DMXL2: variants seen among roughly 807,000 people sequenced by gnomAD.
DMXL2 encodes the protein dmX-like protein 2.
In DMXL2, 103 loss-of-function variants were observed where a neutral mutation model predicts 331.1. The ratio of observed to expected loss-of-function variants is 0.31; its 90% CI spans 0.27 to 0.37. The LOEUF (loss-of-function observed/expected upper bound fraction) is 0.37. DMXL2 is among the 10% of genes least tolerant of loss of function. The pLI is 1.00. For missense variants in DMXL2, 3,171 were observed against 3,642.9 expected (o/e 0.87, Z 3.33); for synonymous variants, 1,281 against 1,252.1 (o/e 1.02, Z -0.49).
rs17648339 is a variant in DMXL2 at position 51,551,072 on chromosome 15, C to T, written c.568-3664G>A. Among the ~76,000 whole-genome samples, 208 of 150,038 alleles carry T rather than the reference C, an allele frequency of 1.4e-3. 6 individuals carry two copies. In the East Asian group the frequency reaches 0.031, roughly 22 times the overall value. ...ACAGTGACCATCTGTTTTATCAATT[C>T]AAATTTGGCTTTATTAACAGAAGCA... On this transcript the variant is annotated intron_variant, in intron 6 of 43. Coordinates refer to ENST00000560891, the MANE Select transcript of DMXL2 (RefSeq NM_001378457.1).
chr15:51,589,693 CT>C (rs1030818812), intron 1 of DMXL2, among the ~76,000 whole-genome samples: 2 of 152,136 alleles, frequency 1.3e-5, no homozygotes, highest in Non-Finnish European at 1.5e-5. Context: ...GCTAAATGTA[CT>C]TTTTTTCAGC....
chr15:51,538,271 T>C lies in DMXL2; in HGVS notation c.1287A>G (p.Glu429=). ...TATCCTCCTGTGAATGTTCCTCATC[T>C]TCTCTATCTGCATCATCATTTTCAT... ...VDHENDDADR[E]DEEHSQEDRE... is the part of the protein sequence containing the mutation. Residue 429 remains glutamate, a synonymous_variant, in exon 10 of 44, where the codon GAA becomes GAG. Transcript: ENST00000560891. 6.2e-7 allele frequency: 1 copy of C among 1,613,860 alleles called. No individual in the cohort carries two copies. Among genetic ancestry groups the C allele is most frequent in the Non-Finnish European group, 8.5e-7 (1 of 1,179,830 alleles).
chr15:51,615,855 C>T (rs11633713), intron 1 of DMXL2, among the ~76,000 whole-genome samples: 72,349 of 151,994 alleles, frequency 0.48, 17,624 homozygotes, highest in Non-Finnish European at 0.52. Context: ...CTACAGCTAA[C>T]GGATGAGCTA....
At chr15:51,496,140 C>T (rs2043160884) in intron 18 of DMXL2, among the ~76,000 whole-genome samples, 1 of 152,102 alleles carries the variant, frequency 6.6e-6, no homozygotes, top group East Asian at 1.9e-4. Context: ...CCACCATGCT[C>T]ATTCGTCCGT....
chr15:51,484,137 GA>G (rs1250089165), intron 23 of DMXL2, among the ~76,000 whole-genome samples: 1 of 152,178 alleles, frequency 6.6e-6, no homozygotes, highest in Non-Finnish European at 1.5e-5. Context: ...ATGGGCCTGA[GA>G]AATAGCCTTA....
chr15:51,514,491 C>T lies in DMXL2; in HGVS notation c.2595G>A (p.Lys865=). ...CTGTTTCCTTTTTCTCCATATCTTC[C>T]TTATGTGGTTTATATCCTATAATGA... ...EDFIIGYKPH[K]EDMEKKETEI... is the part of the protein sequence containing the mutation. Residue 865 remains lysine (K), a synonymous_variant, in exon 15 of 44, where the codon AAG becomes AAA. Coordinates refer to ENST00000560891, the MANE Select transcript of DMXL2 (RefSeq NM_001378457.1). 6.3e-7 allele frequency: 1 copy of T among 1,596,182 alleles called. No individual in the cohort carries two copies. Among genetic ancestry groups the T allele is most frequent in the South Asian group, 1.1e-5 (1 of 88,462 alleles).
At position 51,507,236 on chromosome 15, in the gene DMXL2, A is replaced by G; in HGVS notation, c.2662T>C (p.Phe888Leu). The change falls in exon 16 of 44, where the codon TTT becomes CTT. Residue 888 changes from phenylalanine (F) to leucine (L), a missense_variant. Phe to Leu is a conservative substitution (Grantham distance 22). Coordinates refer to ENST00000560891, the MANE Select transcript of DMXL2 (RefSeq NM_001378457.1). Reference sequence around the variant, plus strand: ...ACTACTAGAAAGAACTTTTCTGAAAATGGTGGTGGGCGGTATCCTATTATT... The same window carrying G: ...ACTACTAGAAAGAACTTTTCTGAAAGTGGTGGTGGGCGGTATCCTATTATT... ...QPSQGYRPPP[F>L]SEKFFLVVIE... 1 of 1,611,108 alleles carries G rather than the reference A, an allele frequency of 6.2e-7. No homozygotes were observed. Among genetic ancestry groups the G allele is most frequent in the African/African-American group, 1.3e-5 (1 of 74,966 alleles).
intron 1 of DMXL2, among the ~76,000 whole-genome samples, chr15:51,588,758 G>C (rs1203310779): frequency 6.6e-6 from 1 of 152,134 alleles, no homozygotes; most frequent in East Asian, 1.9e-4. Context: ...AACACCTTCA[G>C]TATGATGGAA....
chr15:51,481,813 CG>C (rs1401955107), intron 23 of DMXL2, among the ~76,000 whole-genome samples, 190 bp from the exon 24 acceptor site: 2 of 152,224 alleles, frequency 1.3e-5, no homozygotes, highest in Admixed American at 6.5e-5. Context: ...CAATATGCTA[CG>C]GAGTGATTCC....
chr15:51,585,593 A>G (rs4545756), intron 1 of DMXL2, among the ~76,000 whole-genome samples: 72,511 of 151,876 alleles, frequency 0.48, 17,678 homozygotes, highest in Non-Finnish European at 0.52. Context: ...CTAAGATATA[A>G]TATGCTGGAT....
chr15:51,596,026 T>C (rs528176438), intron 1 of DMXL2, among the ~76,000 whole-genome samples: 84 of 152,172 alleles, frequency 5.5e-4, no homozygotes, highest in African/African-American at 1.9e-3. Context: ...ACTTCATGTC[T>C]AAAACACCAA....
chr15:51,547,115 T>C lies in DMXL2; in HGVS notation c.746+115A>G. The C allele has an allele frequency of 5.4e-6, 5 of 933,460 alleles. No homozygotes were observed. The South Asian group carries it at 1.1e-4, about 20-fold the overall frequency. 57.8% of individuals were successfully genotyped at this position (933,460 alleles called of 1,614,324 possible). A position where few individuals can be genotyped will look rare whatever the true frequency, so the allele number is the denominator to read the frequency against. ...TAGTAGGATTTGATTTCAGGCAGCT[T>C]GATGCCAGAGCCTATGCTATTAATT... On this transcript the variant is annotated intron_variant, in intron 7 of 43. Coordinates refer to ENST00000560891, the MANE Select transcript of DMXL2 (RefSeq NM_001378457.1).
intron 1 of DMXL2, among the ~76,000 whole-genome samples, chr15:51,612,647 A>G (rs2054050649): frequency 6.6e-6 from 1 of 152,222 alleles, no homozygotes; most frequent in African/African-American, 2.4e-5. Flanking sequence ...AGGTAATAAA[A>G]TATCACAAGA....
At chr15:51,470,865 C>A (rs775960309) in intron 29 of DMXL2, among the ~76,000 whole-genome samples, 6 of 152,090 alleles carry the variant, frequency 3.9e-5, no homozygotes, top group Non-Finnish European at 7.4e-5. Context: ...CCATCCATCT[C>A]CTTCTATTCT....
intron 2 of DMXL2, among the ~76,000 whole-genome samples, chr15:51,569,253 A>G (rs2050497357): frequency 6.6e-6 from 1 of 152,252 alleles, no homozygotes; most frequent in South Asian, 2.1e-4. Flanking sequence ...GCTTGGTGGG[A>G]GGAGGTGCAT....
chr15:51,585,458 T>C (rs1221332879), intron 1 of DMXL2, among the ~76,000 whole-genome samples: 1 of 152,246 alleles, frequency 6.6e-6, no homozygotes, highest in Non-Finnish European at 1.5e-5. Flanking sequence ...GTATTTCATG[T>C]TGTGGCTTTG....
intron 6 of DMXL2, 152 bp from the exon 7 acceptor site, chr15:51,547,560 TAAAGA>T (rs1387442329): frequency 4.0e-6 from 2 of 501,438 alleles, no homozygotes; most frequent in Non-Finnish European, 6.8e-6. Context: ...TACATTACTT[TAAAGA>T]AAACTATTCT....
intron 23 of DMXL2, among the ~76,000 whole-genome samples, chr15:51,482,762 G>A (rs1033495058): frequency 6.6e-5 from 10 of 152,192 alleles, no homozygotes; most frequent in African/African-American, 2.2e-4. Context: ...ATTTGTGAAA[G>A]AACAATCTGA....
rs144328529 is a variant in DMXL2, at chr15:51,572,049, T to C, written c.214-3491A>G. Among the ~76,000 whole-genome samples the C allele has an allele frequency of 2.7e-3, 406 of 151,228 alleles. 18 individuals are homozygous for C. The East Asian group carries it at 0.064, about 24-fold the overall frequency. On this transcript the variant is annotated intron_variant, in intron 2 of 43. Coordinates refer to ENST00000560891, the MANE Select transcript of DMXL2 (RefSeq NM_001378457.1). ...ATACATAGACCACTAGCCAGACTAA[T>C]AAAGAAAAAAAGAGAAGAATCAAAT...
Sources: allele counts gnomAD v4.1 joint callset (sites outside exome capture counted in the v4.1 genomes callset), GRCh38; gene constraint gnomAD v4.1.1; transcripts MANE v1.5; gene names NCBI Gene and HGNC (gene_info 2026-07-23, HGNC 2026-07-21).